EPHA3: variants seen among roughly 807,000 people sequenced by gnomAD.
EPHA3 encodes the protein EPH receptor A3.
Under a neutral mutation model 107.1 loss-of-function variants are expected in EPHA3, and 42 were observed. That is an observed-to-expected ratio of 0.39 (90% CI 0.31 to 0.51). The LOEUF is 0.51. EPHA3 is among the 20% of genes least tolerant of loss of function. The probability of loss-of-function intolerance (pLI) is 0.78; values close to 1 mark genes in which losing one functional copy is unlikely to be tolerated. For synonymous variants in EPHA3, 461 were observed against 424.8 expected (o/e 1.09, Z -1.05); for missense variants, 1,183 against 1,211.2 (o/e 0.98, Z 0.35).
At chr3:89,417,347 T>A (rs751439124) in intron 10 of EPHA3, among the ~76,000 whole-genome samples, 32 of 151,424 alleles carry the variant, frequency 2.1e-4, no homozygotes, top group Non-Finnish European at 3.8e-4. Context: ...TCCTGTAAAC[T>A]GACAAGTGAC....
intron 5 of EPHA3, among the ~76,000 whole-genome samples, chr3:89,368,813 G>GAAAAAAC (rs376148145): frequency 6.7e-6 from 1 of 149,522 alleles, no homozygotes; most frequent in East Asian, 2.0e-4. Flanking sequence ...GATTCACCCA[G>GAAAAAAC]AAAAAACAAA....
intron 2 of EPHA3, among the ~76,000 whole-genome samples, chr3:89,141,066 A>G (rs1055220682): frequency 5.9e-5 from 9 of 151,706 alleles, no homozygotes; most frequent in African/African-American, 1.9e-4. Flanking sequence ...TCTAGTAAGT[A>G]AAAACATCAG....
chr3:89,317,811 C>T (rs983553156), intron 3 of EPHA3, among the ~76,000 whole-genome samples: 1 of 151,570 alleles, frequency 6.6e-6, no homozygotes, highest in Non-Finnish European at 1.5e-5. Flanking sequence ...TGTATTAGAT[C>T]AAAAATAATT....
chr3:89,114,676 C>A (rs909807767), intron 1 of EPHA3, among the ~76,000 whole-genome samples: 53 of 152,280 alleles, frequency 3.5e-4, no homozygotes, highest in African/African-American at 1.2e-3. Context: ...CCCGGGCGGA[C>A]GGTGTAGACT....
chr3:89,267,897 C>T (rs1705575485), intron 3 of EPHA3, among the ~76,000 whole-genome samples: 1 of 152,082 alleles, frequency 6.6e-6, no homozygotes. Flanking sequence ...GACAGGATAA[C>T]ATTTTATTTT....
chr3:89,209,931 C>A lies in EPHA3; in HGVS notation c.225C>A (p.Asp75Glu), dbSNP rs752206333. 4 of 1,613,606 alleles carry A rather than the reference C, an allele frequency of 2.5e-6. No homozygotes were observed. In the East Asian group the frequency reaches 6.7e-5, roughly 27 times the overall value. ...IRTYQVCNVM[D>E]HSQNNWLRTN... Reference sequence around the variant, plus strand: ...CTTACCAGGTGTGCAATGTCATGGACCACAGTCAAAACAATTGGCTGAGAA... The same window carrying A: ...CTTACCAGGTGTGCAATGTCATGGAACACAGTCAAAACAATTGGCTGAGAA... The change falls in exon 3 of 17, where the codon GAC becomes GAA. Residue 75 changes from aspartate (D) to glutamate (E), a missense_variant. Asp to Glu is a conservative substitution (Grantham distance 45, BLOSUM62 2). Transcript: ENST00000336596.
intron 3 of EPHA3, among the ~76,000 whole-genome samples, chr3:89,307,896 C>G (rs1181754353): frequency 1.3e-5 from 2 of 152,020 alleles, no homozygotes; most frequent in African/African-American, 4.8e-5. Flanking sequence ...CCATGTACTT[C>G]CAAAGTTTGG....
At chr3:89,252,343 A>G (rs1576266042) in intron 3 of EPHA3, among the ~76,000 whole-genome samples, 3 of 152,148 alleles carry the variant, frequency 2.0e-5, no homozygotes, top group South Asian at 2.1e-4. Flanking sequence ...TTTTTTGGCT[A>G]TTTGTGTTAA....
chr3:89,262,834 T>C (rs1705447644), intron 3 of EPHA3, among the ~76,000 whole-genome samples: 1 of 151,862 alleles, frequency 6.6e-6, no homozygotes, highest in Admixed American at 6.6e-5. Context: ...AGTGCGCAGG[T>C]GAGTGGGTGC....
At chr3:89,294,816 C>G (rs1212136099) in intron 3 of EPHA3, among the ~76,000 whole-genome samples, 1 of 152,094 alleles carries the variant, frequency 6.6e-6, no homozygotes, top group African/African-American at 2.4e-5. Flanking sequence ...TGGTTTCTCT[C>G]TCTATTATGA....
At chr3:89,380,971 G>GTTTTTTTTTTTTT (rs1373969030) in intron 5 of EPHA3, among the ~76,000 whole-genome samples, 2 of 151,230 alleles carry the variant, frequency 1.3e-5, no homozygotes, top group African/African-American at 4.9e-5. Flanking sequence ...GCTATAGGCT[G>GTTTTTTTTTTTTT]TTTGTTTGTT....
chr3:89,155,001 G>A (rs1025587816), intron 2 of EPHA3, among the ~76,000 whole-genome samples: 4 of 150,568 alleles, frequency 2.7e-5, no homozygotes, highest in African/African-American at 4.9e-5. Flanking sequence ...TTTTTTCAAA[G>A]AATAAGTGTA....
chr3:89,351,809 CA>C (rs1445368400), intron 5 of EPHA3, among the ~76,000 whole-genome samples: 3 of 150,200 alleles, frequency 2.0e-5, no homozygotes, highest in Non-Finnish European at 4.5e-5. Flanking sequence ...ATGGCAAAAA[CA>C]AATTGATGTT....
intron 3 of EPHA3, among the ~76,000 whole-genome samples, chr3:89,338,868 A>G (rs897466976): frequency 1.3e-5 from 2 of 152,184 alleles, no homozygotes; most frequent in Non-Finnish European, 2.9e-5. Flanking sequence ...ATACTATACG[A>G]TACTTGAAAA....
intron 1 of EPHA3, among the ~76,000 whole-genome samples, chr3:89,124,681 A>T (rs909108619): frequency 2.6e-5 from 4 of 151,966 alleles, no homozygotes; most frequent in African/African-American, 7.2e-5. Flanking sequence ...CATGTTATAA[A>T]CTCATGGTGG....
intron 15 of EPHA3, among the ~76,000 whole-genome samples, chr3:89,468,879 A>C (rs2107572098): frequency 6.6e-6 from 1 of 152,312 alleles, no homozygotes; most frequent in South Asian, 2.1e-4. Context: ...TCTTAGGAAA[A>C]GAATAAAAAT....
rs1315286973 is a variant in EPHA3 at position 89,469,144 on chromosome 3, A to ATTAAGAT, written c.2691-3317_2691-3311dup. ...AGAAATAGAAATTATAAACTCCATA[A>ATTAAGAT]TTAAGATTTTCAATTTATAATTTGA... is the stretch of plus-strand genomic sequence containing the variant. On this transcript the variant is annotated intron_variant, in intron 15 of 16. Transcript: ENST00000336596. 2.0e-5 allele frequency among the ~76,000 whole-genome samples: 3 copies of ATTAAGAT among 152,318 alleles called. No individual in the cohort carries two copies. In the East Asian group the frequency reaches 5.8e-4, roughly 29 times the overall value.
chr3:89,355,649 C>G (rs1269084982), intron 5 of EPHA3, among the ~76,000 whole-genome samples: 1 of 150,656 alleles, frequency 6.6e-6, no homozygotes, highest in African/African-American at 2.4e-5. Context: ...ATTATTGGTA[C>G]AGTAAGTCCT....
At chr3:89,118,119 A>G (rs1707298095) in intron 1 of EPHA3, among the ~76,000 whole-genome samples, 1 of 152,018 alleles carries the variant, frequency 6.6e-6, no homozygotes, top group Non-Finnish European at 1.5e-5. Flanking sequence ...TAGATAATTT[A>G]ATACTCATTT....
Sources: allele counts gnomAD v4.1 joint callset (sites outside exome capture counted in the v4.1 genomes callset), GRCh38; gene constraint gnomAD v4.1.1; transcripts MANE v1.5; gene names NCBI Gene and HGNC (gene_info 2026-07-23, HGNC 2026-07-21).